Variants in PARD3B observed in about 807,000 individuals in gnomAD.
The protein encoded by PARD3B is par-3 family cell polarity regulator beta, also known as partitioning defective 3 homolog B.
Under a neutral mutation model 130.2 loss-of-function variants are expected in PARD3B, and 103 were observed. The ratio of observed to expected loss-of-function variants is 0.79; its 90% CI spans 0.67 to 0.93. The LOEUF is 0.93. Ranked by LOEUF, PARD3B falls within the 40% of genes least tolerant of loss-of-function variation. PARD3B has a pLI of 0.00. For missense variants in PARD3B, 1,609 were observed against 1,499.2 expected (o/e 1.07, Z -1.21); for synonymous variants, 583 against 553.2 (o/e 1.05, Z -0.76).
At chr2:204,988,084 G>A (rs1693331810) in intron 3 of PARD3B, among the ~76,000 whole-genome samples, 1 of 152,064 alleles carries the variant, frequency 6.6e-6, no homozygotes, top group Non-Finnish European at 1.5e-5. Context: ...GGGCATGAAG[G>A]GGGTCCTTGG....
intron 21 of PARD3B, among the ~76,000 whole-genome samples, chr2:205,501,350 T>C (rs2106345030): frequency 6.6e-6 from 1 of 152,282 alleles, no homozygotes; most frequent in Admixed American, 6.5e-5. Flanking sequence ...GGTCTTATTA[T>C]AGATGTTAGG....
At chr2:204,912,118 A>G (rs1050103909) in intron 2 of PARD3B, among the ~76,000 whole-genome samples, 1 of 152,194 alleles carries the variant, frequency 6.6e-6, no homozygotes, top group African/African-American at 2.4e-5. Flanking sequence ...GCTTCTGAAT[A>G]GTATTCATTT....
intron 16 of PARD3B, among the ~76,000 whole-genome samples, chr2:205,248,380 TTGGTGGTGGTGG>T (rs751935440): frequency 1.4e-4 from 20 of 145,360 alleles, no homozygotes; most frequent in East Asian, 8.0e-4. Context: ...TCATTGGGAT[TTGGTGGTGGTGG>T]TGGTGGTGGT....
At chr2:205,368,778 G>C (rs2044702042) in intron 18 of PARD3B, among the ~76,000 whole-genome samples, 1 of 151,938 alleles carries the variant, frequency 6.6e-6, no homozygotes, top group Non-Finnish European at 1.5e-5. Flanking sequence ...GAGACTGGTA[G>C]GCATGTCGTG....
At chr2:204,681,389 C>T (rs777258480) in intron 1 of PARD3B, among the ~76,000 whole-genome samples, 3 of 152,170 alleles carry the variant, frequency 2.0e-5, no homozygotes, top group East Asian at 1.9e-4. Context: ...ATAAAAACTC[C>T]GGGTCCCATT....
intron 22 of PARD3B, among the ~76,000 whole-genome samples, chr2:205,577,175 C>A (rs2053792047): frequency 6.6e-6 from 1 of 152,002 alleles, no homozygotes; most frequent in South Asian, 2.1e-4. Flanking sequence ...CTTATTAATT[C>A]CAGGAGGGTT....
chr2:204,823,125 A>G (rs939470152), intron 2 of PARD3B, among the ~76,000 whole-genome samples: 2 of 152,142 alleles, frequency 1.3e-5, no homozygotes, highest in African/African-American at 4.8e-5. Context: ...GTTATAGGAC[A>G]GTTGGTTATC....
At chr2:205,192,319 G>C (rs978924057) in intron 14 of PARD3B, among the ~76,000 whole-genome samples, 4 of 152,020 alleles carry the variant, frequency 2.6e-5, no homozygotes, top group Admixed American at 2.0e-4. Flanking sequence ...ATTTTGTAAG[G>C]ATACATGATT....
chr2:205,382,277 G>T (rs1219070236), intron 18 of PARD3B, among the ~76,000 whole-genome samples: 2 of 152,004 alleles, frequency 1.3e-5, no homozygotes, highest in African/African-American at 4.8e-5. Context: ...GAATGTAGTA[G>T]TGAGTTATTT....
Position 205,263,888 on chromosome 2 carries a change from G to T in PARD3B, c.2185+18066G>T, listed in dbSNP as rs1008194131. On this transcript the variant is annotated intron_variant, in intron 16 of 22. Transcript: ENST00000406610. The surrounding 1 kb of genome is among the most constrained non-coding windows in gnomAD (Gnocchi z 4.0). ...TGCCAAAATTTAAGGATAAGCAAAG[G>T]CACAAGTAGACTATTTACTAGGTTA... 6.6e-6 allele frequency among the ~76,000 whole-genome samples: 1 copy of T among 151,150 alleles called. No individual in the cohort carries two copies. The highest frequency in any genetic ancestry group is 1.9e-4 in the East Asian group (1 of 5,170).
intron 2 of PARD3B, among the ~76,000 whole-genome samples, chr2:204,727,387 A>G (rs941047986): frequency 1.1e-4 from 17 of 152,336 alleles, no homozygotes; most frequent in Admixed American, 7.8e-4. Flanking sequence ...AGGAGACTAC[A>G]TGTCGATGTC....
At chr2:205,462,477 A>G (rs2048483701) in intron 20 of PARD3B, among the ~76,000 whole-genome samples, 1 of 152,178 alleles carries the variant, frequency 6.6e-6, no homozygotes. Flanking sequence ...CTTAACCACC[A>G]GTGTGTCACC....
At chr2:205,445,385 G>A (rs1037183590) in intron 20 of PARD3B, among the ~76,000 whole-genome samples, 1 of 152,188 alleles carries the variant, frequency 6.6e-6, no homozygotes, top group African/African-American at 2.4e-5. Flanking sequence ...AGTTCTGCAG[G>A]CTGTCCAGGA....
chr2:204,886,296 A>G (rs986516657), intron 2 of PARD3B, among the ~76,000 whole-genome samples: 4 of 152,132 alleles, frequency 2.6e-5, no homozygotes, highest in African/African-American at 9.7e-5. Flanking sequence ...TTTCCAGTCT[A>G]TTTTTATGAG....
intron 18 of PARD3B, among the ~76,000 whole-genome samples, chr2:205,385,676 C>G (rs756651585): frequency 2.6e-5 from 4 of 152,038 alleles, no homozygotes; most frequent in Non-Finnish European, 5.9e-5. Context: ...TAGCACAGCC[C>G]CATGCTGTCT....
At chr2:205,521,146 C>T (rs574425295) in intron 21 of PARD3B, among the ~76,000 whole-genome samples, 1 of 151,682 alleles carries the variant, frequency 6.6e-6, no homozygotes, top group African/African-American at 2.4e-5. Flanking sequence ...CTGTTTTATA[C>T]AGCTTTTAGA....
chr2:205,028,651 T>A (rs1697204557), intron 3 of PARD3B, among the ~76,000 whole-genome samples: 1 of 152,244 alleles, frequency 6.6e-6, no homozygotes, highest in East Asian at 1.9e-4. Context: ...ACCACTTCTA[T>A]TCAACATAGT....
chr2:204,722,125 C>A (rs1559088480), intron 2 of PARD3B, among the ~76,000 whole-genome samples: 1 of 152,076 alleles, frequency 6.6e-6, no homozygotes, highest in Admixed American at 6.6e-5. Context: ...TACCACAAAT[C>A]AAAAATATTT....
intron 1 of PARD3B, among the ~76,000 whole-genome samples, chr2:204,659,683 TCTGTATGTCAGGATGTGGTTGGCA>T (rs2035739193): frequency 6.6e-6 from 1 of 152,126 alleles, no homozygotes; most frequent in South Asian, 2.1e-4. Flanking sequence ...AGAAAACACT[TCTGTATGTCAGGATGTGGTTGGCA>T]CTGTGATCCA....
Sources: allele counts gnomAD v4.1 joint callset (sites outside exome capture counted in the v4.1 genomes callset), GRCh38; gene constraint gnomAD v4.1.1; non-coding constraint Gnocchi (gnomAD v3.1); transcripts MANE v1.5; gene names NCBI Gene and HGNC (gene_info 2026-07-23, HGNC 2026-07-21).